BRD10: variants seen among roughly 807,000 people sequenced by gnomAD.
The protein encoded by BRD10 is bromodomain containing 10.
the BRD10 span, among the ~76,000 whole-genome samples, chr9:5,964,996 T>C: frequency 3.4e-5 from 5 of 145,674 alleles, no homozygotes; most frequent in East Asian, 1.0e-3. Flanking sequence ...GCATGGCACA[T>C]GTATACATAT....
chr9:5,993,091 G>T, the BRD10 span, among the ~76,000 whole-genome samples: 1 of 152,018 alleles, frequency 6.6e-6, no homozygotes. Context: ...CAAGGCGGGT[G>T]GATCAAATGA....
At chr9:6,003,124 G>C in the BRD10 span, among the ~76,000 whole-genome samples, 1 of 152,042 alleles carries the variant, frequency 6.6e-6, no homozygotes, top group African/African-American at 2.4e-5. Flanking sequence ...TAACAATATG[G>C]AAATCAAGAA....
At chr9:5,989,107 G>A in the BRD10 span, among the ~76,000 whole-genome samples, 3 of 151,838 alleles carry the variant, frequency 2.0e-5, no homozygotes, top group African/African-American at 4.8e-5. Context: ...GCGCATGCCT[G>A]TAATTCCAGC....
the BRD10 span, among the ~76,000 whole-genome samples, chr9:5,907,737 G>A: frequency 1.3e-5 from 2 of 152,222 alleles, no homozygotes; most frequent in Admixed American, 6.5e-5. Context: ...TGGATCACCT[G>A]ATCTCAGGAG....
the BRD10 span, among the ~76,000 whole-genome samples, chr9:5,977,995 C>G: frequency 6.6e-6 from 1 of 152,096 alleles, no homozygotes; most frequent in Non-Finnish European, 1.5e-5. Flanking sequence ...AAAAATTAAG[C>G]CTTCAATGTT....
chr9:5,904,044 G>A, the BRD10 span, among the ~76,000 whole-genome samples: 3 of 152,070 alleles, frequency 2.0e-5, no homozygotes, highest in Non-Finnish European at 4.4e-5. Context: ...TTTTAGCAGA[G>A]ATGGGGTTTC....
the BRD10 span, among the ~76,000 whole-genome samples, chr9:5,982,722 T>C: frequency 6.6e-6 from 1 of 152,208 alleles, no homozygotes; most frequent in African/African-American, 2.4e-5. Context: ...TATCCTGTTA[T>C]AAGCAACAGA....
chr9:5,949,869 T>C, the BRD10 span, among the ~76,000 whole-genome samples: 18 of 152,290 alleles, frequency 1.2e-4, no homozygotes, highest in Admixed American at 9.2e-4. Context: ...TTAGGAAAAC[T>C]GATATTCACT....
the BRD10 span, among the ~76,000 whole-genome samples, chr9:5,887,884 C>T: frequency 1.3e-5 from 2 of 152,176 alleles, no homozygotes; most frequent in African/African-American, 2.4e-5. Context: ...TTTAAATTTT[C>T]CCTCCTTTAC....
the BRD10 span, chr9:5,891,373 G>C: frequency 2.0e-5 from 3 of 152,200 alleles, no homozygotes; most frequent in African/African-American, 7.2e-5. Flanking sequence ...ACAGGGTTCA[G>C]TCCTATATTA....
At chr9:6,007,518 C>A in the BRD10 span, 4 of 1,612,904 alleles carry the variant, frequency 2.5e-6, no homozygotes, top group South Asian at 4.4e-5. Flanking sequence ...GCTTCTCCTG[C>A]AGGAACTCGC....
chr9:5,915,817 T>C, the BRD10 span, among the ~76,000 whole-genome samples: 1 of 152,210 alleles, frequency 6.6e-6, no homozygotes, highest in Non-Finnish European at 1.5e-5. Context: ...TTCTACATTA[T>C]ATGGTTCTCA....
the BRD10 span, among the ~76,000 whole-genome samples, chr9:5,888,723 C>T: frequency 6.6e-6 from 1 of 152,194 alleles, no homozygotes; most frequent in Admixed American, 6.5e-5. Context: ...CTTTCAACTA[C>T]ACTAGAAATT....
the BRD10 span, among the ~76,000 whole-genome samples, chr9:6,006,123 CAT>C: frequency 5.8e-4 from 89 of 152,314 alleles, no homozygotes; most frequent in African/African-American, 2.1e-3. Context: ...AGTATACACT[CAT>C]ATTATTCAAC....
the BRD10 span, among the ~76,000 whole-genome samples, chr9:5,977,449 T>C: frequency 1.3e-5 from 2 of 152,074 alleles, no homozygotes; most frequent in African/African-American, 4.8e-5. Flanking sequence ...GTGTAGTAAA[T>C]AGGGAATGGG....
the BRD10 span, among the ~76,000 whole-genome samples, chr9:5,991,745 A>C: frequency 3.5e-5 from 5 of 142,546 alleles, no homozygotes; most frequent in African/African-American, 8.1e-5. Flanking sequence ...AAAAAAAAAA[A>C]GGCAAATCAG....
At chr9:5,990,640 T>C in the BRD10 span, among the ~76,000 whole-genome samples, 1 of 152,210 alleles carries the variant, frequency 6.6e-6, no homozygotes, top group East Asian at 1.9e-4. Flanking sequence ...TTTATGAGCT[T>C]TGATATTTAT....
the BRD10 span, among the ~76,000 whole-genome samples, chr9:5,952,617 A>T: frequency 6.6e-6 from 1 of 152,382 alleles, no homozygotes; most frequent in Non-Finnish European, 1.5e-5. Context: ...TTTAAAAAAC[A>T]CTGGCTATGC....
chr9:5,973,070 A>G, the BRD10 span, among the ~76,000 whole-genome samples: 11 of 152,224 alleles, frequency 7.2e-5, no homozygotes, highest in East Asian at 3.9e-4. Context: ...AAGATAGGGG[A>G]AAAAAAAGTA....
Sources: allele counts gnomAD v4.1 joint callset (sites outside exome capture counted in the v4.1 genomes callset), GRCh38; gene constraint gnomAD v4.1.1; transcripts MANE v1.5; gene names NCBI Gene and HGNC (gene_info 2026-07-23, HGNC 2026-07-21).